The following TBC1D12 variants were observed in gnomAD, a reference collection of about 807,000 sequenced individuals.
The protein encoded by TBC1D12 is TBC1 domain family, member 12.
In TBC1D12, 56 loss-of-function variants were observed where a neutral mutation model predicts 86.7. The observed-to-expected ratio is 0.65, with a 90% confidence interval of 0.52 to 0.81. The LOEUF is 0.81. TBC1D12 is among the 30% of genes least tolerant of loss of function. The probability of loss-of-function intolerance (pLI) is 0.00; values close to 1 mark genes in which losing one functional copy is unlikely to be tolerated. For missense variants in TBC1D12, 1,023 were observed against 1,038.8 expected, an observed-to-expected ratio of 0.98 and a Z score of 0.21; for synonymous variants, 421 against 411.7, an observed-to-expected ratio of 1.02 and a Z score of -0.27.
chr10:94,446,660 C>G (rs1184315376), intron 2 of TBC1D12, among the ~76,000 whole-genome samples: 1 of 152,046 alleles, frequency 6.6e-6, no homozygotes, highest in Non-Finnish European at 1.5e-5. Flanking sequence ...GAGTACAGGG[C>G]ACTACAGGCG....
intron 3 of TBC1D12, among the ~76,000 whole-genome samples, chr10:94,479,597 G>T (rs2056047031): frequency 6.6e-6 from 1 of 152,138 alleles, no homozygotes. Flanking sequence ...TATGACATAG[G>T]TAGAAAGCAG....
intron 1 of TBC1D12, among the ~76,000 whole-genome samples, chr10:94,425,937 T>C (rs564374216): frequency 8.3e-4 from 127 of 152,282 alleles, no homozygotes; most frequent in African/African-American, 2.8e-3. Flanking sequence ...TTATTATAAA[T>C]GATACTTCTT....
At chr10:94,473,706 T>A (rs1051177949) in intron 2 of TBC1D12, among the ~76,000 whole-genome samples, 9 of 152,214 alleles carry the variant, frequency 5.9e-5, no homozygotes, top group African/African-American at 1.7e-4. Flanking sequence ...GCTTGATTTT[T>A]TAGAAAGGAA....
intron 2 of TBC1D12, among the ~76,000 whole-genome samples, chr10:94,471,065 C>T (rs751342082): frequency 5.3e-5 from 8 of 152,074 alleles, no homozygotes; most frequent in Non-Finnish European, 1.2e-4. Context: ...CATCTGAGGT[C>T]AGGGGTTCGA....
chr10:94,503,684 G>A (rs2056426769), intron 6 of TBC1D12, among the ~76,000 whole-genome samples: 1 of 152,016 alleles, frequency 6.6e-6, no homozygotes, highest in South Asian at 2.1e-4. Flanking sequence ...GAGTGCAGTG[G>A]TGCTCTCTCA....
At chr10:94,480,549 C>T (rs1264305956) in intron 3 of TBC1D12, among the ~76,000 whole-genome samples, 3 of 151,932 alleles carry the variant, frequency 2.0e-5, no homozygotes, top group Admixed American at 6.6e-5. Context: ...TAATTCTGCT[C>T]GCCTTGCTTT....
chr10:94,427,833 CAAAAAAAAAAAAAAAAA>C (rs71031576), intron 1 of TBC1D12, among the ~76,000 whole-genome samples: 1 of 67,048 alleles, frequency 1.5e-5, no homozygotes, highest in Non-Finnish European at 2.6e-5. Flanking sequence ...CCCTGTCTCA[CAAAAAAAAAAAAAAAAA>C]AAAAAAAGGA....
intron 3 of TBC1D12, among the ~76,000 whole-genome samples, chr10:94,489,858 G>A (rs2056222938): frequency 6.6e-6 from 1 of 152,208 alleles, no homozygotes; most frequent in Admixed American, 6.5e-5. Context: ...TATTAGCACT[G>A]TGTGTGGTGT....
At chr10:94,505,384 G>T (rs1265804941) in intron 6 of TBC1D12, among the ~76,000 whole-genome samples, 1 of 152,122 alleles carries the variant, frequency 6.6e-6, no homozygotes, top group East Asian at 1.9e-4. Context: ...TTCAAGACCA[G>T]CCTGGCCAAC....
intron 1 of TBC1D12, among the ~76,000 whole-genome samples, chr10:94,416,461 C>A (rs894525767): frequency 6.6e-6 from 1 of 152,174 alleles, no homozygotes; most frequent in South Asian, 2.1e-4. Flanking sequence ...CCCCTAGAGC[C>A]ACAAAATACA....
At chr10:94,482,076 G>A (rs184630844) in intron 3 of TBC1D12, among the ~76,000 whole-genome samples, 106 of 152,234 alleles carry the variant, frequency 7.0e-4, no homozygotes, top group Non-Finnish European at 1.3e-3. Flanking sequence ...TGTCATGGGG[G>A]TTTGTTGTAC....
At chr10:94,476,193 A>C (rs2134148648) in intron 3 of TBC1D12, among the ~76,000 whole-genome samples, 1 of 151,300 alleles carries the variant, frequency 6.6e-6, no homozygotes. Flanking sequence ...ACCTTTTTCT[A>C]CCCATTTTCC....
At chr10:94,485,130 A>G (rs1016425713) in intron 3 of TBC1D12, among the ~76,000 whole-genome samples, 3 of 152,182 alleles carry the variant, frequency 2.0e-5, no homozygotes, top group African/African-American at 7.2e-5. Context: ...TTGCAGTACT[A>G]TGTTGAATAA....
At chr10:94,512,789 C>CT (rs1246652293) in intron 9 of TBC1D12, among the ~76,000 whole-genome samples, 2 of 152,188 alleles carry the variant, frequency 1.3e-5, no homozygotes, top group Non-Finnish European at 2.9e-5. Flanking sequence ...AGCAAAGAGT[C>CT]TTTAAACTCT....
intron 1 of TBC1D12, among the ~76,000 whole-genome samples, chr10:94,437,991 C>CTTTTTTTTTTTTTTTTTTTTTTTTT (rs60477158): frequency 6.7e-5 from 2 of 30,034 alleles, no homozygotes; most frequent in African/African-American, 1.6e-4. Context: ...TCTCCTGGAG[C>CTTTTTTTTTTTTTTTTTTTTTTTTT]TTTTTTTTTT....
At chr10:94,468,121 C>T (rs1453924262) in intron 2 of TBC1D12, among the ~76,000 whole-genome samples, 1 of 152,072 alleles carries the variant, frequency 6.6e-6, no homozygotes, top group Non-Finnish European at 1.5e-5. Context: ...AATGGAAGAA[C>T]CTTACAACAG....
chr10:94,505,447 G>A (rs1214628375), intron 6 of TBC1D12, among the ~76,000 whole-genome samples: 2 of 152,130 alleles, frequency 1.3e-5, no homozygotes, highest in Non-Finnish European at 2.9e-5. Flanking sequence ...GGATGTGTTG[G>A]TGCATGCCAG....
chr10:94,427,833 C>CG (rs1282582645), intron 1 of TBC1D12, among the ~76,000 whole-genome samples: 1 of 67,048 alleles, frequency 1.5e-5, no homozygotes, highest in African/African-American at 5.9e-5. Flanking sequence ...CCCTGTCTCA[C>CG]AAAAAAAAAA....
chr10:94,445,221 T>C (rs2055443422), intron 2 of TBC1D12, among the ~76,000 whole-genome samples: 1 of 151,540 alleles, frequency 6.6e-6, no homozygotes, highest in Non-Finnish European at 1.5e-5. Context: ...TAGCTGGGCG[T>C]GGTAGCACGT....
Sources: gnomAD v4.1 joint callset for allele counts (sites outside exome capture counted in the v4.1 genomes callset) on GRCh38, gnomAD v4.1.1 for gene constraint, MANE v1.5 for transcripts, NCBI Gene and HGNC (gene_info 2026-07-23, HGNC 2026-07-21) for gene names.